The following L3MBTL4 variants were observed in gnomAD, a reference collection of about 807,000 sequenced individuals.
L3MBTL4 encodes the protein L3MBTL histone methyl-lysine binding protein 4, also known as lethal(3)malignant brain tumor-like protein 4.
A neutral mutation model predicts 84.5 loss-of-function variants in L3MBTL4; 70 were observed. The observed-to-expected ratio is 0.83, with a 90% CI of 0.68 to 1.01. The LOEUF (loss-of-function observed/expected upper bound fraction) is 1.01, where lower values mean the gene tolerates loss of function less well. Among genes scored for constraint, L3MBTL4 ranks in the 50% least tolerant of loss-of-function variants. The pLI is 0.00. For missense variants in L3MBTL4, 715 were observed against 754.8 expected, an observed-to-expected ratio of 0.95 and a Z score of 0.62; for synonymous variants, 274 against 259.8, an observed-to-expected ratio of 1.05 and a Z score of -0.52.
chr18:5,971,599 A>G (rs770877585), intron 16 of L3MBTL4, among the ~76,000 whole-genome samples: 3 of 152,252 alleles, frequency 2.0e-5, no homozygotes, highest in Non-Finnish European at 2.9e-5. Flanking sequence ...GTGATTCCCA[A>G]ATGAAAGCTG....
At chr18:6,383,262 C>A (rs369138254) in intron 1 of L3MBTL4, among the ~76,000 whole-genome samples, 1 of 152,028 alleles carries the variant, frequency 6.6e-6, no homozygotes, top group Non-Finnish European at 1.5e-5. Flanking sequence ...GGGGGTAGGA[C>A]CTGCTGAGCC....
chr18:6,199,416 C>A (rs2045553170), intron 12 of L3MBTL4, among the ~76,000 whole-genome samples: 1 of 152,236 alleles, frequency 6.6e-6, no homozygotes, highest in African/African-American at 2.4e-5. Context: ...CAGCCACATG[C>A]AGCGAGTGGC....
chr18:6,184,109 T>A (rs566407860), intron 12 of L3MBTL4, among the ~76,000 whole-genome samples: 5 of 151,954 alleles, frequency 3.3e-5, no homozygotes, highest in Middle Eastern at 3.4e-3. Flanking sequence ...ACAAAATGAA[T>A]GCATCATGTA....
At chr18:6,104,241 C>G (rs1399669365) in intron 14 of L3MBTL4, among the ~76,000 whole-genome samples, 1 of 152,104 alleles carries the variant, frequency 6.6e-6, no homozygotes, top group African/African-American at 2.4e-5. Flanking sequence ...TCCAAAAGAA[C>G]TGAAATGAGC....
chr18:5,986,321 C>T lies in L3MBTL4; in HGVS notation c.1445-16759G>A, dbSNP rs991128430. Among the ~76,000 whole-genome samples the T allele has an allele frequency of 5.9e-5, 9 of 152,150 alleles. No individual in the cohort carries two copies. The South Asian group carries it at 1.7e-3, about 28-fold the overall frequency. On this transcript the variant is annotated intron_variant, in intron 16 of 18. Coordinates refer to ENST00000317931, the MANE Select transcript of L3MBTL4 (RefSeq NM_001330559.2). ...ATGAGGAAACTGATATGCAGATTGCCTCAGAAGCCATAGAGCTAGCAAATG... is the reference window on the plus strand; with the variant it reads ...ATGAGGAAACTGATATGCAGATTGCTTCAGAAGCCATAGAGCTAGCAAATG...
chr18:6,332,910 A>T (rs1399617996), intron 1 of L3MBTL4, among the ~76,000 whole-genome samples: 1 of 152,248 alleles, frequency 6.6e-6, no homozygotes, highest in East Asian at 1.9e-4. Flanking sequence ...ATGAGAATAG[A>T]TGCTCTGTAA....
intron 16 of L3MBTL4, among the ~76,000 whole-genome samples, chr18:6,068,484 C>T (rs2057469885): frequency 6.6e-6 from 1 of 152,188 alleles, no homozygotes; most frequent in African/African-American, 2.4e-5. Context: ...ATCCACCTTC[C>T]TGTCCCAGTA....
chr18:6,088,540 C>T (rs941977071), intron 15 of L3MBTL4, among the ~76,000 whole-genome samples: 1 of 148,010 alleles, frequency 6.8e-6, no homozygotes, highest in Non-Finnish European at 1.5e-5. Flanking sequence ...ATGAAAACAA[C>T]ACTGCAGGCG....
intron 9 of L3MBTL4, among the ~76,000 whole-genome samples, chr18:6,238,864 A>G (rs2047330302): frequency 6.8e-6 from 1 of 148,012 alleles, no homozygotes; most frequent in Non-Finnish European, 1.5e-5. Context: ...ATATGTGGAG[A>G]AATGCTATAA....
At chr18:6,237,642 G>A (rs2047270440) in intron 10 of L3MBTL4, among the ~76,000 whole-genome samples, 1 of 151,650 alleles carries the variant, frequency 6.6e-6, no homozygotes, top group South Asian at 2.1e-4. Flanking sequence ...TTTTAGTAGA[G>A]ATGGGGTTTC....
intron 3 of L3MBTL4, among the ~76,000 whole-genome samples, chr18:6,304,987 G>GA (rs2050518658): frequency 1.3e-5 from 2 of 152,148 alleles, no homozygotes; most frequent in Admixed American, 1.3e-4. Flanking sequence ...TGCCTAGAAA[G>GA]AAAAAATATT....
At chr18:6,280,506 G>T (rs2049277331) in intron 4 of L3MBTL4, among the ~76,000 whole-genome samples, 1 of 152,212 alleles carries the variant, frequency 6.6e-6, no homozygotes, top group Admixed American at 6.5e-5. Flanking sequence ...CTTAGCAACA[G>T]ATACAAGTAA....
At chr18:5,981,662 A>T (rs1035806242) in intron 16 of L3MBTL4, among the ~76,000 whole-genome samples, 24 of 152,162 alleles carry the variant, frequency 1.6e-4, no homozygotes, top group African/African-American at 5.5e-4. Flanking sequence ...GAGGAAAAAA[A>T]AAAAAAGCCA....
At chr18:6,290,751 C>G (rs531917602) in intron 4 of L3MBTL4, among the ~76,000 whole-genome samples, 3 of 152,180 alleles carry the variant, frequency 2.0e-5, no homozygotes, top group Non-Finnish European at 4.4e-5. Flanking sequence ...TTGTCTCGAA[C>G]TCCTGACCTC....
chr18:6,239,984 C>A, intron 8 of L3MBTL4, 112 bp from the exon 9 acceptor site: 1 of 1,023,154 alleles, frequency 9.8e-7, no homozygotes. Context: ...CAGGTGTCAG[C>A]ACTTAGCCTC....
chr18:6,288,418 G>C (rs2049695098), intron 4 of L3MBTL4, among the ~76,000 whole-genome samples: 1 of 151,980 alleles, frequency 6.6e-6, no homozygotes, highest in African/African-American at 2.4e-5. Flanking sequence ...TAAATTAATT[G>C]GTTTTTAAAC....
intron 16 of L3MBTL4, among the ~76,000 whole-genome samples, chr18:6,006,951 T>C (rs907263143): frequency 2.0e-5 from 3 of 152,156 alleles, no homozygotes; most frequent in Non-Finnish European, 4.4e-5. Flanking sequence ...AAATTCCAAA[T>C]GGCTAAAAGA....
chr18:6,306,201 TG>T (rs1223642987), intron 3 of L3MBTL4, among the ~76,000 whole-genome samples: 6 of 152,224 alleles, frequency 3.9e-5, no homozygotes, highest in Non-Finnish European at 1.5e-5. Flanking sequence ...TGATCCAATG[TG>T]GGATATAAAC....
In L3MBTL4 at chr18:6,167,578, A is replaced by G. The variant is rs570077796; in HGVS notation, c.1096+4250T>C. The stretch of plus-strand genomic sequence containing the variant: ...ATAAACAGAACCAAAGACAAAAACC[A>G]CATGATTATCTCAATAGAGACAGAA... On this transcript the variant is annotated intron_variant, in intron 13 of 18. Transcript: ENST00000317931. Among the ~76,000 whole-genome samples the G allele has an allele frequency of 1.1e-4, 17 of 152,298 alleles. No homozygotes were observed. The South Asian group carries it at 3.3e-3, about 30-fold the overall frequency.
Sources: allele counts gnomAD v4.1 joint callset (sites outside exome capture counted in the v4.1 genomes callset), GRCh38; gene constraint gnomAD v4.1.1; transcripts MANE v1.5; gene names NCBI Gene and HGNC (gene_info 2026-07-23, HGNC 2026-07-21).